Variants in OTUD3 observed in about 807,000 individuals in gnomAD.
The protein encoded by OTUD3 is OTU domain-containing protein 3.
Under a neutral mutation model 46.2 loss-of-function variants are expected in OTUD3, and 24 were observed. The observed-to-expected ratio is 0.52, with a 90% CI of 0.38 to 0.73. OTUD3 has a LOEUF of 0.73. OTUD3 is among the 30% of genes least tolerant of loss of function. OTUD3 has a pLI of 0.00. For synonymous variants in OTUD3, 189 were observed against 195.4 expected (o/e 0.97, Z 0.27); for missense variants, 455 against 523.3 (o/e 0.87, Z 1.27).
rs2045432283 is a variant in OTUD3 at position 19,890,534 on chromosome 1, G to A, written c.370+1G>A. The A allele has an allele frequency of 1.9e-6, 3 of 1,613,650 alleles. No individual in the cohort carries two copies. In the South Asian group the frequency reaches 3.3e-5, roughly 18 times the overall value. On this transcript the variant is annotated splice_donor_variant, in intron 2 of 7. Coordinates refer to ENST00000375120, the MANE Select transcript of OTUD3 (RefSeq NM_015207.2). LOFTEE classifies it high-confidence loss of function. The stretch of plus-strand genomic sequence containing the variant: ...GATGACATTCCTTTTGAGAAGCATG[G>A]TAGGTTCACTGTGGGACATTGTGTC...
chr1:19,885,354 C>T (rs961877061), intron 1 of OTUD3, among the ~76,000 whole-genome samples: 3 of 152,168 alleles, frequency 2.0e-5, no homozygotes, highest in Non-Finnish European at 4.4e-5. Flanking sequence ...GTGGTTCAGC[C>T]CTCGTCAGTA....
Position 19,882,473 on chromosome 1 carries a change from G to C in OTUD3, c.-41G>C. The C allele has an allele frequency of 7.5e-7, 1 of 1,341,806 alleles. No individual in the cohort carries two copies. Among genetic ancestry groups the C allele is most frequent in the Non-Finnish European group, 9.5e-7 (1 of 1,052,022 alleles). The allele number at this position is 1,341,806 out of a possible 1,614,324, so 83.1% of individuals were successfully genotyped here. ...CTTGAGGCGGACGCTGGGGGGTCCT[G>C]CGCCTTTCCCTCCTGCCGCTGGGGA... On this transcript the variant is annotated 5_prime_UTR_variant, in exon 1 of 8. Transcript: ENST00000375120.
Position 19,911,581 on chromosome 1 carries a change from G to C in OTUD3, c.*3835G>C, listed in dbSNP as rs2045734071. The C allele has an allele frequency of 6.6e-6, 1 of 151,982 alleles. No homozygotes were observed. Among genetic ancestry groups the C allele is most frequent in the East Asian group, 1.9e-4 (1 of 5,212 alleles). 9.4% of individuals were successfully genotyped at this position (151,982 alleles called of 1,614,324 possible). ...ATTTTTGTATTTTTAGTAGAGACGG[G>C]GTTTCACCATGTTAGCCAGGCTGGT... is the stretch of plus-strand genomic sequence containing the variant. On this transcript the variant is annotated 3_prime_UTR_variant, in exon 8 of 8. Coordinates refer to ENST00000375120, the MANE Select transcript of OTUD3 (RefSeq NM_015207.2).
intron 6 of OTUD3, 61 bp from the exon 7 acceptor site, chr1:19,906,371 C>T (rs1306642340): frequency 2.7e-6 from 4 of 1,474,088 alleles, no homozygotes; most frequent in African/African-American, 1.4e-5. Context: ...ATCATTAATA[C>T]AGTCATCACC....
At chr1:19,900,312 T>A (rs945509394) in intron 4 of OTUD3, among the ~76,000 whole-genome samples, 6 of 152,112 alleles carry the variant, frequency 3.9e-5, no homozygotes, top group Admixed American at 3.9e-4. Flanking sequence ...CAAGCGATCC[T>A]CCTGAGTAGC....
chr1:19,897,435 A>C, intron 3 of OTUD3, 105 bp from the exon 4 acceptor site: 1 of 1,202,696 alleles, frequency 8.3e-7, no homozygotes, highest in Non-Finnish European at 1.2e-6. Context: ...TTAGTGTCTC[A>C]TAGACCTGCT....
Position 19,904,391 on chromosome 1 carries a change from G to T in OTUD3, c.731G>T (p.Gly244Val). ...DAVQKVCNAT[G>V]CSDFNLIVQN... ...GTCCAGAAAGTTTGTAATGCAACTG[G>T]ATGTTCAGTTAGTATTTCTGTCTTG... is the stretch of plus-strand genomic sequence containing the variant. Residue 244 changes from glycine (G) to valine (V), a missense_variant, in exon 5 of 8, where the codon GGA (glycine) becomes GTA (valine). Transcript: ENST00000375120. 1 of 1,609,644 alleles carries T rather than the reference G, an allele frequency of 6.2e-7. No individual in the cohort carries two copies. Among genetic ancestry groups the T allele is most frequent in the South Asian group, 1.1e-5 (1 of 89,942 alleles).
At chr1:19,899,431 G>T (rs1037395941) in intron 4 of OTUD3, among the ~76,000 whole-genome samples, 20 of 152,298 alleles carry the variant, frequency 1.3e-4, no homozygotes, top group Non-Finnish European at 2.5e-4. Context: ...TTTAATTCAT[G>T]GTAGTACATA....
chr1:19,887,822 C>T (rs936893158), intron 1 of OTUD3, among the ~76,000 whole-genome samples: 4 of 152,118 alleles, frequency 2.6e-5, no homozygotes, highest in African/African-American at 4.8e-5. Flanking sequence ...TAGAATGGTA[C>T]CCAGTACCCT....
intron 1 of OTUD3, among the ~76,000 whole-genome samples, chr1:19,887,728 T>TAA (rs1009582475): frequency 9.2e-5 from 14 of 152,332 alleles, no homozygotes; most frequent in African/African-American, 2.9e-4. Context: ...GAGCCTTCTT[T>TAA]AGGCCAAACA....
At chr1:19,902,272 G>T (rs909172137) in intron 4 of OTUD3, among the ~76,000 whole-genome samples, 2 of 152,008 alleles carry the variant, frequency 1.3e-5, no homozygotes, top group African/African-American at 2.4e-5. Context: ...CGGCACGATC[G>T]TGGCTCACTG....
intron 4 of OTUD3, among the ~76,000 whole-genome samples, chr1:19,903,010 A>G (rs2045610767): frequency 6.8e-6 from 1 of 146,662 alleles, no homozygotes; most frequent in Non-Finnish European, 1.5e-5. Flanking sequence ...TATAAGTAAC[A>G]CTGTTAGCAC....
At chr1:19,900,292 C>G (rs976785858) in intron 4 of OTUD3, among the ~76,000 whole-genome samples, 3 of 152,068 alleles carry the variant, frequency 2.0e-5, no homozygotes, top group African/African-American at 7.2e-5. Flanking sequence ...CAGCCTCAAC[C>G]TCCCAGGCTC....
At chr1:19,891,033 C>G (rs2045439075) in intron 2 of OTUD3, among the ~76,000 whole-genome samples, 1 of 152,096 alleles carries the variant, frequency 6.6e-6, no homozygotes, top group Non-Finnish European at 1.5e-5. Flanking sequence ...AAAATAAGCC[C>G]TTAGTAAGCG....
At chr1:19,893,018 G>C (rs764204689) in intron 2 of OTUD3, among the ~76,000 whole-genome samples, 1 of 151,702 alleles carries the variant, frequency 6.6e-6, no homozygotes, top group Non-Finnish European at 1.5e-5. Context: ...TCTCTCTCTC[G>C]TGTCTGTCTC....
In OTUD3 at chr1:19,896,196, C is replaced by G. The variant is rs368161620; in HGVS notation, c.484-1344C>G. ...CATTAATAAAGAGTAGGCTTATACT[C>G]ACACCATGGAGATATTGAAACCTAC... On this transcript the variant is annotated intron_variant, in intron 3 of 7. Transcript: ENST00000375120. Among the ~76,000 whole-genome samples, 3 of 152,130 alleles carry G rather than the reference C, an allele frequency of 2.0e-5. No homozygotes were observed. In the South Asian group the frequency reaches 6.2e-4, roughly 32 times the overall value.
rs2045742589 is a variant in OTUD3 at position 19,912,239 on chromosome 1, C to T, written c.*4493C>T. ...TGGCTCTCATCCTTGGCGTGTCAGCCTGCGGCAGGCTGCCAGCCATCCATG... is the reference window on the plus strand; with the variant it reads ...TGGCTCTCATCCTTGGCGTGTCAGCTTGCGGCAGGCTGCCAGCCATCCATG... On this transcript the variant is annotated 3_prime_UTR_variant, in exon 8 of 8. Coordinates refer to ENST00000375120, the MANE Select transcript of OTUD3 (RefSeq NM_015207.2). 1 of 152,352 alleles carries T rather than the reference C, an allele frequency of 6.6e-6. No homozygotes were observed. Among genetic ancestry groups the T allele is most frequent in the Admixed American group, 6.5e-5 (1 of 15,296 alleles). 9.4% of individuals were successfully genotyped at this position (152,352 alleles called of 1,614,324 possible). A position where few individuals can be genotyped will look rare whatever the true frequency, so the allele number is the denominator to read the frequency against.
intron 1 of OTUD3, among the ~76,000 whole-genome samples, 166 bp downstream of exon 1, chr1:19,882,900 G>A (rs2045292039): frequency 6.6e-6 from 1 of 152,236 alleles, no homozygotes; most frequent in Non-Finnish European, 1.5e-5. Context: ...GAGTGAGGCG[G>A]ACAAGCCCCT....
rs2045286425 is a variant in OTUD3, at chr1:19,882,652, G to GGCGGCT, written c.143_148dup (p.Gly48_Cys49dup). ...GAATCGGCCGGAGTCTGGCGGCGGC[G>GGCGGCT]GCGGCTGCGAGGAGGAGTTCGTCAG... On this transcript the variant is annotated inframe_insertion, in exon 1 of 8. Transcript: ENST00000375120. 6.8e-7 allele frequency: 1 copy of GGCGGCT among 1,460,740 alleles called. No individual in the cohort carries two copies. The highest frequency in any genetic ancestry group is 9.0e-7 in the Non-Finnish European group (1 of 1,108,336). The allele number at this position is 1,460,740 out of a possible 1,614,324, so 90.5% of individuals were successfully genotyped here.
Sources: gnomAD v4.1 joint callset for allele counts (sites outside exome capture counted in the v4.1 genomes callset) on GRCh38, gnomAD v4.1.1 for gene constraint, MANE v1.5 for transcripts, NCBI Gene and HGNC (gene_info 2026-07-23, HGNC 2026-07-21) for gene names.